The following DNER variants were observed in gnomAD, a reference collection of about 807,000 sequenced individuals.
DNER encodes the protein delta/notch like EGF repeat containing.
In DNER, 33 loss-of-function variants were observed where a neutral mutation model predicts 78.2. The observed-to-expected ratio is 0.42, with a 90% confidence interval of 0.32 to 0.56. DNER has a LOEUF of 0.56. Among genes scored for constraint, DNER ranks in the 20% least tolerant of loss-of-function variants. DNER has a pLI of 0.11. For missense variants in DNER, 918 were observed against 975.3 expected (o/e 0.94, Z 0.78); for synonymous variants, 417 against 384.8 (o/e 1.08, Z -0.98).
At chr2:229,546,252 AAT>A (rs1696624867) in intron 5 of DNER, among the ~76,000 whole-genome samples, 1 of 152,202 alleles carries the variant, frequency 6.6e-6, no homozygotes, top group Admixed American at 6.5e-5. Flanking sequence ...CAGTGGTTTT[AAT>A]TCCATTCATA....
rs545317890 is a variant in DNER, at chr2:229,443,578, A to G, written c.1486+3738T>C. On this transcript the variant is annotated intron_variant, in intron 8 of 12. Coordinates refer to ENST00000341772, the MANE Select transcript of DNER (RefSeq NM_139072.4). The stretch of plus-strand genomic sequence containing the variant: ...AAATCCCTAGCCCGAAAAGCTACAA[A>G]CGAAGTTTGAAAATAAAACACCCGG... Among the ~76,000 whole-genome samples the G allele has an allele frequency of 1.8e-4, 28 of 152,344 alleles. No individual in the cohort carries two copies. In the East Asian group the frequency reaches 2.7e-3, roughly 15 times the overall value.
chr2:229,386,718 GA>G (rs1000531815), intron 11 of DNER, among the ~76,000 whole-genome samples: 4 of 151,388 alleles, frequency 2.6e-5, no homozygotes, highest in African/African-American at 9.7e-5. Context: ...ACAAAAATAT[GA>G]AAAAAAAGCT....
chr2:229,624,922 C>A (rs1190117248), intron 1 of DNER, among the ~76,000 whole-genome samples: 9 of 152,162 alleles, frequency 5.9e-5, no homozygotes, highest in African/African-American at 1.9e-4. Flanking sequence ...TCTATTACTT[C>A]TTTTTTAGTC....
chr2:229,491,211 A>G (rs1266821776), intron 6 of DNER, among the ~76,000 whole-genome samples: 2 of 152,190 alleles, frequency 1.3e-5, no homozygotes, highest in African/African-American at 2.4e-5. Context: ...ACCTTTGCAC[A>G]TTATCTTGGT....
At chr2:229,376,711 C>T (rs1692610202) in intron 11 of DNER, among the ~76,000 whole-genome samples, 1 of 152,098 alleles carries the variant, frequency 6.6e-6, no homozygotes, top group South Asian at 2.1e-4. Context: ...ATAAAACTCT[C>T]ATTTGTACAG....
chr2:229,684,249 C>A (rs1213266080), intron 1 of DNER, among the ~76,000 whole-genome samples: 1 of 146,904 alleles, frequency 6.8e-6, no homozygotes, highest in Non-Finnish European at 1.5e-5. Context: ...GCAGGGCTTC[C>A]AATAGGAGGT....
intron 8 of DNER, among the ~76,000 whole-genome samples, chr2:229,433,824 T>A (rs988006125): frequency 6.6e-6 from 1 of 152,222 alleles, no homozygotes; most frequent in African/African-American, 2.4e-5. Flanking sequence ...GACTATCATA[T>A]ACTAGACATT....
chr2:229,380,280 T>C (rs1482718289), intron 11 of DNER, among the ~76,000 whole-genome samples: 1 of 152,102 alleles, frequency 6.6e-6, no homozygotes, highest in East Asian at 1.9e-4. Context: ...GAGGGCCTGG[T>C]CTTGTGACAT....
intron 4 of DNER, among the ~76,000 whole-genome samples, chr2:229,561,626 A>G (rs1393224116): frequency 6.6e-6 from 1 of 152,186 alleles, no homozygotes; most frequent in Non-Finnish European, 1.5e-5. Flanking sequence ...CTATTCCCAT[A>G]GTAAAGTGTT....
intron 8 of DNER, among the ~76,000 whole-genome samples, chr2:229,426,207 C>T (rs147033542): frequency 4.6e-5 from 7 of 151,978 alleles, no homozygotes; most frequent in Admixed American, 2.0e-4. Flanking sequence ...TTTGGGAGGC[C>T]GAGGCGGATG....
intron 1 of DNER, among the ~76,000 whole-genome samples, chr2:229,635,361 G>GAAAAAACAAAAAA (rs1698510516): frequency 1.2e-5 from 1 of 85,890 alleles, no homozygotes; most frequent in African/African-American, 5.1e-5. Flanking sequence ...GGTCCCACAG[G>GAAAAAACAAAAAA]AAAAAAAAAA....
At chr2:229,602,157 A>C (rs917643590) in intron 1 of DNER, among the ~76,000 whole-genome samples, 2 of 152,130 alleles carry the variant, frequency 1.3e-5, no homozygotes, top group African/African-American at 4.8e-5. Context: ...CAATACAGGA[A>C]ATATGTCGAC....
intron 10 of DNER, 60 bp downstream of exon 10, chr2:229,407,172 C>T: frequency 6.7e-7 from 1 of 1,483,146 alleles, no homozygotes. Flanking sequence ...GTTTTTTTAA[C>T]ATCTGCAATC....
chr2:229,601,676 G>T (rs1454335672), intron 1 of DNER, among the ~76,000 whole-genome samples: 1 of 152,092 alleles, frequency 6.6e-6, no homozygotes, highest in Non-Finnish European at 1.5e-5. Context: ...GAATTGAAAC[G>T]TGGCTATAAA....
intron 6 of DNER, among the ~76,000 whole-genome samples, chr2:229,506,340 TG>T: frequency 6.6e-6 from 1 of 152,152 alleles, no homozygotes; most frequent in African/African-American, 2.4e-5. Context: ...AAGGACAACA[TG>T]GGGGAAACTG....
chr2:229,536,501 A>G (rs77843695), intron 5 of DNER, among the ~76,000 whole-genome samples: 3,581 of 152,306 alleles, frequency 0.024, 140 homozygotes, highest in African/African-American at 0.081. Context: ...CAGCAGCCCC[A>G]TATGGGTGCC....
intron 9 of DNER, among the ~76,000 whole-genome samples, chr2:229,417,370 C>T (rs577558374): frequency 6.6e-6 from 1 of 152,248 alleles, no homozygotes; most frequent in Admixed American, 6.5e-5. Context: ...AAATCTAAAC[C>T]CGGCCCCGTA....
At chr2:229,611,134 C>T (rs1574927075) in intron 1 of DNER, among the ~76,000 whole-genome samples, 1 of 152,182 alleles carries the variant, frequency 6.6e-6, no homozygotes, top group East Asian at 1.9e-4. Context: ...TGTATAGTGC[C>T]CCACAGGCAC....
At chr2:229,474,492 TC>T (rs1338131137) in intron 7 of DNER, among the ~76,000 whole-genome samples, 4 of 152,206 alleles carry the variant, frequency 2.6e-5, no homozygotes, top group Non-Finnish European at 5.9e-5. Context: ...CCTCGCATTT[TC>T]TCTAGGCTTT....
Sources: gnomAD v4.1 joint callset for allele counts (sites outside exome capture counted in the v4.1 genomes callset) on GRCh38, gnomAD v4.1.1 for gene constraint, MANE v1.5 for transcripts, NCBI Gene and HGNC (gene_info 2026-07-23, HGNC 2026-07-21) for gene names.